Variants in DLG2 observed in about 807,000 individuals in gnomAD.
DLG2 encodes discs large MAGUK scaffold protein 2, also known as disks large homolog 2.
Under a neutral mutation model 132.5 loss-of-function variants are expected in DLG2, and 45 were observed. The observed-to-expected ratio is 0.34, with a 90% confidence interval of 0.27 to 0.44. The LOEUF (loss-of-function observed/expected upper bound fraction) is 0.44. DLG2 is among the 20% of genes least tolerant of loss of function. The pLI is 1.00. For synonymous variants in DLG2, 424 were observed against 419.6 expected (o/e 1.01, Z -0.13); for missense variants, 1,045 against 1,196.9 (o/e 0.87, Z 1.87).
chr11:84,910,765 C>A (rs1296954531), intron 6 of DLG2, among the ~76,000 whole-genome samples: 3 of 45,382 alleles, frequency 6.6e-5, no homozygotes, highest in African/African-American at 9.8e-5. Context: ...GAAGAAAAAA[C>A]AACAACAACA....
intron 5 of DLG2, among the ~76,000 whole-genome samples, chr11:85,150,052 C>T (rs2077130964): frequency 8.5e-6 from 1 of 117,298 alleles, no homozygotes; most frequent in Admixed American, 9.2e-5. Flanking sequence ...CAGAGTCTCA[C>T]TCAGTCGCCC....
chr11:84,548,355 T>C (rs2099394618), intron 6 of DLG2, among the ~76,000 whole-genome samples: 1 of 152,114 alleles, frequency 6.6e-6, no homozygotes, highest in South Asian at 2.1e-4. Flanking sequence ...TATATGCATG[T>C]GCCATGTTGG....
chr11:84,166,245 T>C (rs1483816978), intron 8 of DLG2, among the ~76,000 whole-genome samples: 1 of 152,142 alleles, frequency 6.6e-6, no homozygotes, highest in African/African-American at 2.4e-5. Flanking sequence ...GGCTCATGCC[T>C]GTAATTCCAG....
intron 3 of DLG2, among the ~76,000 whole-genome samples, chr11:85,577,556 G>A (rs116418774): frequency 1.1e-3 from 172 of 152,170 alleles, no homozygotes; most frequent in African/African-American, 3.9e-3. Context: ...CAGAATGCTC[G>A]ACAGACAACC....
At chr11:85,610,604 C>G (rs1404550354) in intron 2 of DLG2, among the ~76,000 whole-genome samples, 1 of 152,220 alleles carries the variant, frequency 6.6e-6, no homozygotes, top group Non-Finnish European at 1.5e-5. Context: ...CAAGTTCAGG[C>G]ACTCTGGCCC....
chr11:84,424,413 T>C (rs1330506429), intron 7 of DLG2, among the ~76,000 whole-genome samples: 1 of 152,092 alleles, frequency 6.6e-6, no homozygotes, highest in Non-Finnish European at 1.5e-5. Flanking sequence ...CACCCCATAA[T>C]ATCTTTCTTA....
chr11:85,077,109 C>T (rs1010492489), intron 6 of DLG2, among the ~76,000 whole-genome samples: 2 of 152,006 alleles, frequency 1.3e-5, no homozygotes, highest in South Asian at 4.1e-4. Context: ...TAGGACAATG[C>T]TTGGCACAGG....
chr11:85,192,531 A>C (rs529955913), intron 4 of DLG2, among the ~76,000 whole-genome samples: 2 of 152,212 alleles, frequency 1.3e-5, no homozygotes, highest in African/African-American at 4.8e-5. Context: ...AAACAAGTGC[A>C]ACAGGCATTG....
chr11:85,484,140 A>G (rs1019350920), intron 3 of DLG2, among the ~76,000 whole-genome samples: 2 of 151,986 alleles, frequency 1.3e-5, no homozygotes, highest in Non-Finnish European at 1.5e-5. Flanking sequence ...TAAGAGGTAA[A>G]TGGGTCAGGT....
intron 6 of DLG2, among the ~76,000 whole-genome samples, chr11:84,579,167 T>G (rs1015653144): frequency 3.4e-5 from 5 of 148,560 alleles, no homozygotes; most frequent in African/African-American, 1.2e-4. Flanking sequence ...AAAAATGAAC[T>G]AATACACCTT....
At chr11:84,322,596 ATTT>A (rs59443223) in intron 7 of DLG2, among the ~76,000 whole-genome samples, 5 of 149,026 alleles carry the variant, frequency 3.4e-5, no homozygotes, top group African/African-American at 1.2e-4. Flanking sequence ...TTTCACAAGA[ATTT>A]TTTTTTTTTT....
intron 18 of DLG2, among the ~76,000 whole-genome samples, chr11:83,640,352 T>C (rs2066138681): frequency 6.6e-6 from 1 of 152,148 alleles, no homozygotes; most frequent in Admixed American, 6.5e-5. Context: ...TGTAGTCTGT[T>C]GGGGGTCACA....
At chr11:84,728,364 T>C (rs1173795299) in intron 6 of DLG2, among the ~76,000 whole-genome samples, 1 of 152,146 alleles carries the variant, frequency 6.6e-6, no homozygotes. Flanking sequence ...GTTTTTGTCC[T>C]TGGTTCTGGT....
chr11:83,732,872 TC>T (rs2091265220), intron 18 of DLG2, among the ~76,000 whole-genome samples: 1 of 152,148 alleles, frequency 6.6e-6, no homozygotes, highest in Non-Finnish European at 1.5e-5. Flanking sequence ...AGCTCATAGC[TC>T]ACCTTCTGAG....
chr11:85,591,000 T>C (rs115921055), intron 3 of DLG2, among the ~76,000 whole-genome samples: 111 of 152,280 alleles, frequency 7.3e-4, no homozygotes, highest in Admixed American at 2.6e-3. Flanking sequence ...ACCAGCCTCA[T>C]ACTCATCTAA....
chr11:84,297,652 T>A (rs563821044), intron 7 of DLG2, among the ~76,000 whole-genome samples: 1 of 152,216 alleles, frequency 6.6e-6, no homozygotes, highest in Admixed American at 6.5e-5. Context: ...TCTCACTGTA[T>A]ACAATACATC....
intron 16 of DLG2, among the ~76,000 whole-genome samples, chr11:83,860,045 T>C (rs1455385947): frequency 3.3e-5 from 5 of 152,154 alleles, no homozygotes; most frequent in Admixed American, 3.3e-4. Context: ...GCATAGATTT[T>C]AGAAGATGTA....
At chr11:84,464,132 C>T (rs188907600) in intron 7 of DLG2, among the ~76,000 whole-genome samples, 29 of 151,318 alleles carry the variant, frequency 1.9e-4, no homozygotes, top group African/African-American at 6.8e-4. Flanking sequence ...ACAGACATTA[C>T]TGAGAAGCTA....
chr11:85,510,533 A>C (rs1487708275), intron 3 of DLG2, among the ~76,000 whole-genome samples: 1 of 152,130 alleles, frequency 6.6e-6, no homozygotes, highest in Non-Finnish European at 1.5e-5. Flanking sequence ...AGAAAAAAAA[A>C]CAAACAACCC....
Sources: gnomAD v4.1 joint callset for allele counts (sites outside exome capture counted in the v4.1 genomes callset) on GRCh38, gnomAD v4.1.1 for gene constraint, MANE v1.5 for transcripts, NCBI Gene and HGNC (gene_info 2026-07-23, HGNC 2026-07-21) for gene names.